ZHX2: variants seen among roughly 807,000 people sequenced by gnomAD.
The protein encoded by ZHX2 is zinc fingers and homeoboxes protein 2.
A neutral mutation model predicts 21.9 loss-of-function variants in ZHX2; 6 were observed. The observed-to-expected ratio is 0.27, with a 90% CI of 0.15 to 0.54. The LOEUF (loss-of-function observed/expected upper bound fraction) is 0.54, where lower values mean the gene tolerates loss of function less well. Ranked by LOEUF, ZHX2 falls within the 20% of genes least tolerant of loss-of-function variation. ZHX2 has a pLI of 0.95. For missense variants in ZHX2, 908 were observed against 1,090.7 expected, an observed-to-expected ratio of 0.83 and a Z score of 2.36; for synonymous variants, 434 against 437.1, an observed-to-expected ratio of 0.99 and a Z score of 0.09.
rs117247357 is a variant in ZHX2, at chr8:122,787,847, G to A, written c.-283+5901G>A. On this transcript the variant is annotated intron_variant, in intron 1 of 3. Transcript: ENST00000314393. ...GGCTCAAAAACATCTGCAGAAAACT[G>A]AGGAAGGACCACAAGTCTAAGTTAA... Among the ~76,000 whole-genome samples, 922 of 152,352 alleles carry A rather than the reference G, an allele frequency of 6.1e-3. 14 individuals are homozygous for A. Among genetic ancestry groups the A allele is most frequent in the East Asian group, 0.043 (223 of 5,186 alleles).
chr8:122,950,965 G>A (rs1586416550), intron 2 of ZHX2, among the ~76,000 whole-genome samples: 1 of 152,088 alleles, frequency 6.6e-6, no homozygotes, highest in African/African-American at 2.4e-5. Context: ...AAAGTGGCTT[G>A]CAAGCACACC....
intron 2 of ZHX2, among the ~76,000 whole-genome samples, chr8:122,882,708 A>T (rs1376835603): frequency 6.6e-6 from 1 of 152,122 alleles, no homozygotes; most frequent in African/African-American, 2.4e-5. Flanking sequence ...GAGGCTGGGC[A>T]CAGTGGCTCA....
At chr8:122,834,779 G>C (rs754569551) in intron 1 of ZHX2, among the ~76,000 whole-genome samples, 1 of 152,168 alleles carries the variant, frequency 6.6e-6, no homozygotes, top group Non-Finnish European at 1.5e-5. Flanking sequence ...AGTTAAATGA[G>C]AGAGAAAAAG....
chr8:122,801,927 A>G (rs1037416490), intron 1 of ZHX2, among the ~76,000 whole-genome samples: 3 of 152,158 alleles, frequency 2.0e-5, no homozygotes, highest in African/African-American at 7.2e-5. Context: ...GAGAAATTCC[A>G]TATGCAGACA....
intron 1 of ZHX2, among the ~76,000 whole-genome samples, chr8:122,793,085 G>A (rs566072191): frequency 3.9e-5 from 6 of 152,166 alleles, no homozygotes; most frequent in East Asian, 3.9e-4. Flanking sequence ...AGCCTGAATC[G>A]CTGCTCACAG....
chr8:122,900,662 A>G (rs1820207759), intron 2 of ZHX2, among the ~76,000 whole-genome samples: 1 of 152,174 alleles, frequency 6.6e-6, no homozygotes, highest in Admixed American at 6.5e-5. Flanking sequence ...CTGGTGCTAG[A>G]TTTAAGATGG....
At chr8:122,917,081 A>G (rs1820622775) in intron 2 of ZHX2, among the ~76,000 whole-genome samples, 1 of 151,956 alleles carries the variant, frequency 6.6e-6, no homozygotes. Flanking sequence ...CAGCGCATTC[A>G]TCCCACGCAG....
chr8:122,840,553 C>T (rs1014583107), intron 1 of ZHX2, among the ~76,000 whole-genome samples: 1 of 152,210 alleles, frequency 6.6e-6, no homozygotes, highest in South Asian at 2.1e-4. Flanking sequence ...AAGTGGCTTA[C>T]ATTACACTTG....
intron 2 of ZHX2, among the ~76,000 whole-genome samples, chr8:122,873,090 T>G (rs1819480018): frequency 6.6e-6 from 1 of 152,168 alleles, no homozygotes; most frequent in African/African-American, 2.4e-5. Context: ...TGGGACCACA[T>G]GGACCAAGAA....
intron 2 of ZHX2, among the ~76,000 whole-genome samples, chr8:122,885,158 C>T (rs1819809817): frequency 1.3e-5 from 2 of 152,150 alleles, no homozygotes; most frequent in African/African-American, 2.4e-5. Context: ...TAAACCAGGT[C>T]GACTGGAAGA....
At chr8:122,829,654 G>A (rs921477074) in intron 1 of ZHX2, among the ~76,000 whole-genome samples, 1 of 152,194 alleles carries the variant, frequency 6.6e-6, no homozygotes, top group Non-Finnish European at 1.5e-5. Context: ...CTGAGGAACA[G>A]GGTAGAGACC....
At chr8:122,788,556 G>A (rs1000807011) in intron 1 of ZHX2, among the ~76,000 whole-genome samples, 1 of 152,148 alleles carries the variant, frequency 6.6e-6, no homozygotes, top group Non-Finnish European at 1.5e-5. Context: ...GAGAGAGCAA[G>A]ACTCTGTCTC....
At chr8:122,925,877 G>A (rs1441531058) in intron 2 of ZHX2, among the ~76,000 whole-genome samples, 1 of 152,188 alleles carries the variant, frequency 6.6e-6, no homozygotes, top group Non-Finnish European at 1.5e-5. Context: ...GGGACAGAGT[G>A]GAAGGGTGAT....
At position 122,953,352 on chromosome 8, in the gene ZHX2, C is replaced by T. The variant is rs144568529; in HGVS notation, c.1842C>T (p.Leu614=). 3.5e-5 allele frequency: 56 copies of T among 1,613,958 alleles called. No individual in the cohort carries two copies. Among genetic ancestry groups the T allele is most frequent in the South Asian group, 2.7e-4 (25 of 91,082 alleles). Residue 614 remains leucine, a synonymous_variant, in exon 3 of 4, where the codon CTC becomes CTT. Transcript: ENST00000314393. This position sits in a 1 kb window ranked among gnomAD's most constrained non-coding sequence, Gnocchi z 4.6. ...VGAPNGALSR[L]DQLSGAQLTS... ...CCCCCAATGGTGCTCTGTCTCGACTCGACCAGCTCTCCGGTGCCCAGTTAA... is the reference window on the plus strand; with the variant it reads ...CCCCCAATGGTGCTCTGTCTCGACTTGACCAGCTCTCCGGTGCCCAGTTAA...
At chr8:122,930,454 A>G (rs16897753) in intron 2 of ZHX2, among the ~76,000 whole-genome samples, 1,845 of 152,184 alleles carry the variant, frequency 0.012, 37 homozygotes, top group African/African-American at 0.042. Flanking sequence ...ACCCTTCCAC[A>G]TGGGACAGAC....
chr8:122,964,494 G>T (rs1158077317), intron 3 of ZHX2, among the ~76,000 whole-genome samples: 1 of 151,942 alleles, frequency 6.6e-6, no homozygotes, highest in Non-Finnish European at 1.5e-5. Context: ...TATAAAACCC[G>T]CTTGATCATG....
At chr8:122,907,133 T>C (rs960620056) in intron 2 of ZHX2, among the ~76,000 whole-genome samples, 2 of 152,206 alleles carry the variant, frequency 1.3e-5, no homozygotes, top group African/African-American at 2.4e-5. Flanking sequence ...CTAGAAAATC[T>C]GAGTTCTGTT....
intron 2 of ZHX2, among the ~76,000 whole-genome samples, chr8:122,907,516 A>G (rs1820377720): frequency 6.6e-6 from 1 of 152,192 alleles, no homozygotes; most frequent in African/African-American, 2.4e-5. Context: ...GGTTTGCCCT[A>G]AGCAGTTTCC....
At chr8:122,801,303 T>A (rs551060865) in intron 1 of ZHX2, among the ~76,000 whole-genome samples, 1 of 152,202 alleles carries the variant, frequency 6.6e-6, no homozygotes, top group African/African-American at 2.4e-5. Context: ...GTAAACATAT[T>A]CCTGCAAATT....
Sources: allele counts gnomAD v4.1 joint callset (sites outside exome capture counted in the v4.1 genomes callset), GRCh38; gene constraint gnomAD v4.1.1; non-coding constraint Gnocchi (gnomAD v3.1); transcripts MANE v1.5; gene names NCBI Gene and HGNC (gene_info 2026-07-23, HGNC 2026-07-21).